The following CACNA1I variants were observed in gnomAD, a reference collection of about 807,000 sequenced individuals.
CACNA1I encodes voltage-dependent T-type calcium channel subunit alpha-1I.
In CACNA1I, 74 loss-of-function variants were observed where a neutral mutation model predicts 201.6. The observed-to-expected ratio is 0.37, with a 90% CI of 0.30 to 0.45. The LOEUF (loss-of-function observed/expected upper bound fraction) is 0.45. CACNA1I is among the 20% of genes least tolerant of loss of function. CACNA1I has a pLI of 1.00. For synonymous variants in CACNA1I, 1,431 were observed against 1,345.2 expected, an observed-to-expected ratio of 1.06 and a Z score of -1.40; for missense variants, 2,346 against 3,138.1, an observed-to-expected ratio of 0.75 and a Z score of 6.03.
chr22:39,611,638 A>G (rs545922698), intron 3 of CACNA1I, among the ~76,000 whole-genome samples: 1 of 152,362 alleles, frequency 6.6e-6, no homozygotes, highest in African/African-American at 2.4e-5. Context: ...ATCATGAGGC[A>G]TACACTAAAA....
In CACNA1I at chr22:39,677,181, C is replaced by T. The variant is rs1935537077; in HGVS notation, c.4855-160C>T. 6.6e-6 allele frequency among the ~76,000 whole-genome samples: 1 copy of T among 152,192 alleles called. No individual in the cohort carries two copies. Among genetic ancestry groups the T allele is most frequent in the Admixed American group, 6.5e-5 (1 of 15,278 alleles). ...CTGGACCCAGCCTGCCCTCCAGGTC[C>T]TGTAGGGGTGGCAGACGTGGACACA... On this transcript the variant is annotated intron_variant, in intron 29 of 36. Transcript: ENST00000402142. The surrounding 1 kb of genome is among the most constrained non-coding windows in gnomAD (Gnocchi z 4.8).
At chr22:39,607,711 A>G (rs1429742926) in intron 3 of CACNA1I, among the ~76,000 whole-genome samples, 1 of 152,240 alleles carries the variant, frequency 6.6e-6, no homozygotes, top group Admixed American at 6.5e-5. Context: ...GTGATTGGCC[A>G]GGCACTGTGG....
chr22:39,583,318 A>C (rs1374270398), intron 1 of CACNA1I, among the ~76,000 whole-genome samples: 1 of 151,116 alleles, frequency 6.6e-6, no homozygotes, highest in Non-Finnish European at 1.5e-5. Context: ...CCAACCATAC[A>C]TTCATCTATC....
rs1304916059 is a variant in CACNA1I, at chr22:39,689,206, C to T, written c.*2801C>T. On this transcript the variant is annotated 3_prime_UTR_variant, in exon 37 of 37. Transcript: ENST00000402142. ...CTGGGCTCCGTAGAGCGGTGGTGGG[C>T]AGGCACCTTGGCATCTGTGCAGAGA... is the stretch of plus-strand genomic sequence containing the variant. 6.5e-6 allele frequency: 1 copy of T among 152,916 alleles called. No homozygotes were observed. Among genetic ancestry groups the T allele is most frequent in the Non-Finnish European group, 1.5e-5 (1 of 68,252 alleles). 9.5% of individuals were successfully genotyped at this position (152,916 alleles called of 1,614,324 possible).
chr22:39,619,582 C>G (rs1933666436), intron 4 of CACNA1I, among the ~76,000 whole-genome samples, 175 bp downstream of exon 4: 1 of 151,664 alleles, frequency 6.6e-6, no homozygotes, highest in Non-Finnish European at 1.5e-5. Context: ...CAGATGTGCC[C>G]TGCTCCCATA....
At chr22:39,632,701 G>A (rs1215313961) in intron 4 of CACNA1I, among the ~76,000 whole-genome samples, 1 of 152,260 alleles carries the variant, frequency 6.6e-6, no homozygotes, top group Non-Finnish European at 1.5e-5. Flanking sequence ...GAATGAATGA[G>A]TGAGTGAATG....
At chr22:39,628,466 C>T (rs1418115606) in intron 4 of CACNA1I, among the ~76,000 whole-genome samples, 1 of 152,020 alleles carries the variant, frequency 6.6e-6, no homozygotes, top group Non-Finnish European at 1.5e-5. Flanking sequence ...AGTGAGACAG[C>T]CGGGCCAGCC....
chr22:39,676,895 C>T lies in CACNA1I; in HGVS notation c.4855-446C>T, dbSNP rs115016111. Among the ~76,000 whole-genome samples the T allele has an allele frequency of 0.018, 2,789 of 152,274 alleles. 80 individuals are homozygous for T. Among genetic ancestry groups the T allele is most frequent in the African/African-American group, 0.062 (2,559 of 41,534 alleles). On this transcript the variant is annotated intron_variant, in intron 29 of 36. Coordinates refer to ENST00000402142, the MANE Select transcript of CACNA1I (RefSeq NM_021096.4). The surrounding 1 kb of genome is among the most constrained non-coding windows in gnomAD (Gnocchi z 4.8). ...ATTCAACCTTGGTAGCCACTCAAGG[C>T]GTGTAGCATAGATTGTGTGCATGGA...
intron 35 of CACNA1I, among the ~76,000 whole-genome samples, chr22:39,683,142 G>T (rs1401942905): frequency 3.3e-5 from 5 of 152,190 alleles, no homozygotes; most frequent in Non-Finnish European, 7.3e-5. Flanking sequence ...AGCCCTACCT[G>T]CAGTGTTCTG....
At chr22:39,680,311 C>T (rs1935665305) in intron 33 of CACNA1I, among the ~76,000 whole-genome samples, 1 of 152,192 alleles carries the variant, frequency 6.6e-6, no homozygotes, top group Admixed American at 6.5e-5. Context: ...TCAGGGGTTC[C>T]CATGGGCCTG....
chr22:39,626,946 T>C (rs1367542912), intron 4 of CACNA1I, among the ~76,000 whole-genome samples: 1 of 152,210 alleles, frequency 6.6e-6, no homozygotes, highest in Non-Finnish European at 1.5e-5. Flanking sequence ...GTTAGTGGCA[T>C]TGTGACACCT....
At chr22:39,605,066 C>A (rs1056086376) in intron 3 of CACNA1I, among the ~76,000 whole-genome samples, 85 of 148,932 alleles carry the variant, frequency 5.7e-4, no homozygotes, top group African/African-American at 2.0e-3. Context: ...GTCCCCCTCC[C>A]ACCCAAGACC....
chr22:39,578,397 TG>T (rs1932430672), intron 1 of CACNA1I, among the ~76,000 whole-genome samples: 1 of 152,182 alleles, frequency 6.6e-6, no homozygotes, highest in Non-Finnish European at 1.5e-5. Flanking sequence ...CAGTCCTTTC[TG>T]GTGGGGCTAC....
At chr22:39,619,194 T>C (rs1205108504) in intron 3 of CACNA1I, 116 bp from the exon 4 acceptor site, 13 of 776,452 alleles carry the variant, frequency 1.7e-5, no homozygotes, top group Non-Finnish European at 2.9e-5. Context: ...CCGACTGCTG[T>C]CTTTACTTGC....
intron 26 of CACNA1I, among the ~76,000 whole-genome samples, chr22:39,671,585 T>C (rs1028678673): frequency 5.9e-5 from 9 of 152,192 alleles, no homozygotes; most frequent in Admixed American, 5.9e-4. Context: ...GAGGAGCAAG[T>C]GCATTCTAAA....
intron 7 of CACNA1I, among the ~76,000 whole-genome samples, chr22:39,645,023 G>A (rs1013209447): frequency 6.6e-6 from 1 of 151,352 alleles, no homozygotes; most frequent in Non-Finnish European, 1.5e-5. Context: ...TCTTGCTCTT[G>A]TTGCCCAGCC....
chr22:39,600,915 C>T (rs1358875931), intron 3 of CACNA1I, among the ~76,000 whole-genome samples: 2 of 152,180 alleles, frequency 1.3e-5, no homozygotes, highest in African/African-American at 4.8e-5. Flanking sequence ...CACTGACGCT[C>T]TCTAAGCTTT....
chr22:39,591,250 CT>C (rs772615912), intron 1 of CACNA1I, among the ~76,000 whole-genome samples: 8 of 151,202 alleles, frequency 5.3e-5, no homozygotes, highest in Non-Finnish European at 1.0e-4. Context: ...ACCTCCTCAC[CT>C]CCCGGGTTCA....
In CACNA1I at chr22:39,642,712, T is replaced by C. The variant is rs927028827; in HGVS notation, c.1057-85T>C. ...ATGTGTGATGCGTTCTGGCACACAGTGGGGCCTCTGTCTGGGGCACTGCCT... is the reference window on the plus strand; with the variant it reads ...ATGTGTGATGCGTTCTGGCACACAGCGGGGCCTCTGTCTGGGGCACTGCCT... On this transcript the variant is annotated intron_variant, in intron 6 of 36. Coordinates refer to ENST00000402142, the MANE Select transcript of CACNA1I (RefSeq NM_021096.4). 5.0e-5 allele frequency: 43 copies of C among 856,030 alleles called. No homozygotes were observed. In the African/African-American group the frequency reaches 5.7e-4, roughly 11 times the overall value. The allele number at this position is 856,030 out of a possible 1,614,324, so 53.0% of individuals were successfully genotyped here.
Sources: gnomAD v4.1 joint callset for allele counts (sites outside exome capture counted in the v4.1 genomes callset) on GRCh38, gnomAD v4.1.1 for gene constraint, Gnocchi (gnomAD v3.1) non-coding constraint, MANE v1.5 for transcripts, NCBI Gene and HGNC (gene_info 2026-07-23, HGNC 2026-07-21) for gene names.